EYA1: variants seen among roughly 807,000 people sequenced by gnomAD.
EYA1 encodes protein phosphatase EYA1.
A neutral mutation model predicts 82.0 loss-of-function variants in EYA1; 16 were observed. The observed-to-expected ratio is 0.20, with a 90% CI of 0.13 to 0.30. EYA1 has a LOEUF of 0.30. EYA1 is among the 10% of genes least tolerant of loss of function. EYA1 has a pLI of 1.00. For missense variants in EYA1, 633 were observed against 730.7 expected (o/e 0.87, Z 1.54); for synonymous variants, 261 against 264.4 (o/e 0.99, Z 0.12).
At chr8:71,538,340 A>G (rs952035968) in intron 1 of EYA1, among the ~76,000 whole-genome samples, 5 of 152,250 alleles carry the variant, frequency 3.3e-5, no homozygotes, top group Admixed American at 2.6e-4. Context: ...TTCTAGTCAC[A>G]TATGGCACTA....
chr8:71,206,811 A>G (rs573246389), intron 17 of EYA1, among the ~76,000 whole-genome samples: 1 of 152,202 alleles, frequency 6.6e-6, no homozygotes, highest in African/African-American at 2.4e-5. Flanking sequence ...GCTGGAGTGC[A>G]GTGGCATGAG....
chr8:71,418,158 C>G (rs1409315179), intron 2 of EYA1, among the ~76,000 whole-genome samples: 1 of 152,208 alleles, frequency 6.6e-6, no homozygotes, highest in South Asian at 2.1e-4. Flanking sequence ...GATCCTCCCA[C>G]TTTCCAACTT....
intron 14 of EYA1, 21 bp downstream of exon 14, chr8:71,216,671 G>T (rs756662508): frequency 8.7e-6 from 14 of 1,612,678 alleles, no homozygotes; most frequent in Non-Finnish European, 1.2e-5. Context: ...ACTTGCTGAG[G>T]TACTGGTGGT....
chr8:71,302,735 C>G (rs7002266), intron 7 of EYA1, among the ~76,000 whole-genome samples: 1 of 141,910 alleles, frequency 7.0e-6, no homozygotes, highest in South Asian at 2.3e-4. Flanking sequence ...CTGCTAAACT[C>G]GGACCAGGCC....
intron 1 of EYA1, chr8:71,535,876 G>A: frequency 3.3e-6 from 2 of 609,518 alleles, no homozygotes; most frequent in Non-Finnish European, 5.1e-6. Context: ...TCACACAGCT[G>A]TATTAATTGT....
In EYA1 at chr8:71,240,894, C is replaced by A. The variant is rs575540064; in HGVS notation, c.1140+3709G>T. 1.1e-3 allele frequency among the ~76,000 whole-genome samples: 174 copies of A among 152,284 alleles called. 1 individual carries two copies. Among genetic ancestry groups the A allele is most frequent in the South Asian group, 2.1e-3 (10 of 4,828 alleles). ...CAATAAAAAGCTAACAGAAAGAACT[C>A]TTTCTCCAACCAGTCAGAAAGAGTC... On this transcript the variant is annotated intron_variant, in intron 12 of 17. Transcript: ENST00000340726.
intron 9 of EYA1, among the ~76,000 whole-genome samples, chr8:71,273,204 T>C (rs1405485887): frequency 6.6e-6 from 1 of 152,198 alleles, no homozygotes; most frequent in African/African-American, 2.4e-5. Context: ...AGAGACTTCT[T>C]CTATAACAAG....
chr8:71,467,922 G>T (rs538121467), intron 2 of EYA1, among the ~76,000 whole-genome samples: 2 of 151,778 alleles, frequency 1.3e-5, no homozygotes, highest in African/African-American at 4.8e-5. Flanking sequence ...ACTAAGTCTC[G>T]GTTCACAGAT....
upstream of EYA1, among the ~76,000 whole-genome samples, chr8:71,363,972 T>TTATG (rs1468717823): frequency 6.6e-6 from 1 of 152,028 alleles, no homozygotes; most frequent in African/African-American, 2.4e-5. Context: ...AGTGGGAATA[T>TTATG]TATGTAAAGT....
intron 11 of EYA1, among the ~76,000 whole-genome samples, chr8:71,253,140 G>A (rs948165941): frequency 6.6e-6 from 1 of 152,088 alleles, no homozygotes; most frequent in African/African-American, 2.4e-5. Flanking sequence ...TTTGTCTGTG[G>A]TCAAGTCGAA....
At chr8:71,306,875 C>A (rs1420849436) in intron 7 of EYA1, among the ~76,000 whole-genome samples, 1 of 152,176 alleles carries the variant, frequency 6.6e-6, no homozygotes, top group African/African-American at 2.4e-5. Flanking sequence ...GACCTAAGTT[C>A]CTTAAGCTCA....
At chr8:71,370,720 C>A (rs1370011159) in intron 2 of EYA1, among the ~76,000 whole-genome samples, 4 of 152,142 alleles carry the variant, frequency 2.6e-5, no homozygotes, top group Admixed American at 2.6e-4. Flanking sequence ...TTGGCAGGCT[C>A]AACCAATCCT....
chr8:71,467,351 G>A (rs1808856393), intron 2 of EYA1, among the ~76,000 whole-genome samples: 1 of 152,046 alleles, frequency 6.6e-6, no homozygotes, highest in Non-Finnish European at 1.5e-5. Flanking sequence ...GCCAACTAGG[G>A]CATTGTTGCA....
chr8:71,527,412 C>T (rs1005872083), intron 2 of EYA1, among the ~76,000 whole-genome samples: 6 of 152,116 alleles, frequency 3.9e-5, no homozygotes, highest in Non-Finnish European at 8.8e-5. Context: ...AGATCTTCTC[C>T]CAAATTCTTC....
chr8:71,312,574 A>C (rs1426572664), intron 7 of EYA1, among the ~76,000 whole-genome samples: 1 of 152,134 alleles, frequency 6.6e-6, no homozygotes, highest in Admixed American at 6.5e-5. Flanking sequence ...AGTAGCTGGG[A>C]TTACAGGCAC....
chr8:71,265,546 C>G (rs1004848853), intron 11 of EYA1, among the ~76,000 whole-genome samples: 2 of 152,198 alleles, frequency 1.3e-5, no homozygotes, highest in Non-Finnish European at 2.9e-5. Flanking sequence ...TTGAAACAAT[C>G]AAGGCGTTGA....
At chr8:71,272,355 G>A (rs1816650153) in intron 9 of EYA1, among the ~76,000 whole-genome samples, 1 of 152,134 alleles carries the variant, frequency 6.6e-6, no homozygotes, top group Non-Finnish European at 1.5e-5. Flanking sequence ...AGGGAAAACT[G>A]AGTCATCAGG....
At chr8:71,276,294 G>A (rs1209462369) in intron 9 of EYA1, among the ~76,000 whole-genome samples, 2 of 152,154 alleles carry the variant, frequency 1.3e-5, no homozygotes, top group Non-Finnish European at 2.9e-5. Flanking sequence ...TTTCTTCCAT[G>A]GCCCTCTTAT....
At chr8:71,201,950 T>A (rs1031609372) in intron 17 of EYA1, among the ~76,000 whole-genome samples, 11 of 152,202 alleles carry the variant, frequency 7.2e-5, no homozygotes, top group African/African-American at 2.4e-4. Flanking sequence ...TTTCTATTGA[T>A]CTTAAGTACT....
Sources: gnomAD v4.1 joint callset for allele counts (sites outside exome capture counted in the v4.1 genomes callset) on GRCh38, gnomAD v4.1.1 for gene constraint, MANE v1.5 for transcripts, NCBI Gene and HGNC (gene_info 2026-07-23, HGNC 2026-07-21) for gene names.